HEXB: variants seen among roughly 807,000 people sequenced by gnomAD.
HEXB encodes the protein hexosaminidase subunit beta, also known as beta-hexosaminidase subunit beta.
A neutral mutation model predicts 71.2 loss-of-function variants in HEXB; 51 were observed. That is an observed-to-expected ratio of 0.72 (90% confidence interval 0.57 to 0.90). The LOEUF is 0.90. HEXB is among the 40% of genes least tolerant of loss of function. HEXB has a pLI of 0.00. For missense variants in HEXB, 617 were observed against 677.0 expected, an observed-to-expected ratio of 0.91 and a Z score of 0.98; for synonymous variants, 266 against 249.3, an observed-to-expected ratio of 1.07 and a Z score of -0.63.
chr5:74,717,414 C>T (rs76630314), intron 9 of HEXB, among the ~76,000 whole-genome samples: 2,025 of 151,938 alleles, frequency 0.013, 46 homozygotes, highest in African/African-American at 0.046. Flanking sequence ...TACTCAGTTG[C>T]ATTAGCCACA....
chr5:74,711,400 A>T (rs1344723574), intron 6 of HEXB, among the ~76,000 whole-genome samples: 22 of 149,272 alleles, frequency 1.5e-4, no homozygotes, highest in South Asian at 6.4e-4. Context: ...CTAAAACACC[A>T]AAAGCAATGG....
intron 1 of HEXB, among the ~76,000 whole-genome samples, chr5:74,675,365 C>T (rs1047965010): frequency 2.0e-5 from 3 of 152,084 alleles, no homozygotes; most frequent in African/African-American, 7.2e-5. Flanking sequence ...GGGCCAAAGT[C>T]GAAGTCTAGT....
intron 4 of HEXB, 47 bp downstream of exon 4, chr5:74,696,786 T>C: frequency 1.0e-6 from 1 of 963,410 alleles, no homozygotes; most frequent in Non-Finnish European, 1.7e-6. Flanking sequence ...GACAAATTGC[T>C]AATAGAAAAA....
chr5:74,662,725 TTTA>T (rs1748350574), intron 1 of HEXB, among the ~76,000 whole-genome samples: 1 of 152,202 alleles, frequency 6.6e-6, no homozygotes, highest in African/African-American at 2.4e-5. Flanking sequence ...AAAATCATAT[TTTA>T]TTATTATATT....
At chr5:74,685,632 G>C in intron 1 of HEXB, 73 bp downstream of exon 1, 1 of 1,370,456 alleles carries the variant, frequency 7.3e-7, no homozygotes, top group Non-Finnish European at 9.9e-7. Flanking sequence ...GCGCTGTGCA[G>C]ACCCTCACCA....
chr5:74,658,040 A>G (rs553196234), intron 1 of HEXB, among the ~76,000 whole-genome samples: 115 of 152,312 alleles, frequency 7.6e-4, no homozygotes, highest in African/African-American at 2.6e-3. Context: ...AGAAATGTCT[A>G]CTGCCTGTGA....
At chr5:74,716,498 C>T in intron 8 of HEXB, 89 bp from the exon 9 acceptor site, 1 of 749,392 alleles carries the variant, frequency 1.3e-6, no homozygotes, top group Non-Finnish European at 2.3e-6. Flanking sequence ...TTTAAGTCTG[C>T]ACAACTGATG....
chr5:74,721,103 T>G lies in HEXB; in HGVS notation c.1614-15T>G, dbSNP rs1222446492. On this transcript the variant is annotated splice_polypyrimidine_tract_variant and intron_variant, in intron 13 of 13. Coordinates refer to ENST00000261416, the MANE Select transcript of HEXB (RefSeq NM_000521.4). ...CTAAATCAATCTAAAATATCTTTATTCATGTTATCTACAGACGTGGAATAG... is the reference window on the plus strand; with the variant it reads ...CTAAATCAATCTAAAATATCTTTATGCATGTTATCTACAGACGTGGAATAG... 1 of 1,584,438 alleles carries G rather than the reference T, an allele frequency of 6.3e-7. No homozygotes were observed. The highest frequency in any genetic ancestry group is 8.7e-7 in the Non-Finnish European group (1 of 1,153,140).
rs188471494 is a variant in HEXB, at chr5:74,697,505, C to T, written c.669+399C>T. Among the ~76,000 whole-genome samples, 11 of 152,244 alleles carry T rather than the reference C, an allele frequency of 7.2e-5. No homozygotes were observed. The East Asian group carries it at 2.1e-3, about 29-fold the overall frequency. Reference sequence around the variant, plus strand: ...CTTTGGGAGGCTGAGGCAGGTGGATCACCTGAGGTCAGGAGTTCGAGACCA... The same window carrying T: ...CTTTGGGAGGCTGAGGCAGGTGGATTACCTGAGGTCAGGAGTTCGAGACCA... On this transcript the variant is annotated intron_variant, in intron 5 of 13. Transcript: ENST00000261416.
intron 1 of HEXB, among the ~76,000 whole-genome samples, chr5:74,673,173 T>A (rs190078426): frequency 1.7e-3 from 264 of 152,370 alleles, no homozygotes; most frequent in African/African-American, 6.1e-3. Flanking sequence ...GTTGTTTTTG[T>A]GGCTAATTTT....
chr5:74,709,776 C>G (rs569879810), intron 6 of HEXB, among the ~76,000 whole-genome samples: 172 of 152,282 alleles, frequency 1.1e-3, no homozygotes, highest in African/African-American at 4.1e-3. Flanking sequence ...ATAACAGGAG[C>G]TGAAATTGTG....
At chr5:74,655,115 C>T (rs1748193647) in intron 1 of HEXB, among the ~76,000 whole-genome samples, 1 of 151,858 alleles carries the variant, frequency 6.6e-6, no homozygotes, top group African/African-American at 2.4e-5. Flanking sequence ...CTGGGAAAGC[C>T]ACACTAGTTT....
chr5:74,670,962 A>G (rs1450261603), intron 1 of HEXB, among the ~76,000 whole-genome samples: 2 of 152,160 alleles, frequency 1.3e-5, no homozygotes, highest in African/African-American at 2.4e-5. Flanking sequence ...GCAGCCCAGG[A>G]GGCCAAGTGG....
chr5:74,686,263 GT>G (rs1328622476), intron 1 of HEXB, among the ~76,000 whole-genome samples: 1 of 152,190 alleles, frequency 6.6e-6, no homozygotes, highest in Non-Finnish European at 1.5e-5. Context: ...GACAGGGTGA[GT>G]TTTGTCATGG....
At chr5:74,645,618 A>G (rs907045603) in intron 1 of HEXB, among the ~76,000 whole-genome samples, 1 of 152,166 alleles carries the variant, frequency 6.6e-6, no homozygotes, top group African/African-American at 2.4e-5. Flanking sequence ...CAAGGAGTAG[A>G]CAGTTTATTG....
chr5:74,687,759 G>A (rs1421702864), intron 1 of HEXB, among the ~76,000 whole-genome samples: 5 of 152,006 alleles, frequency 3.3e-5, no homozygotes, highest in Non-Finnish European at 7.4e-5. Flanking sequence ...GTATTTCGGT[G>A]GTCTTAATTT....
intron 6 of HEXB, among the ~76,000 whole-genome samples, chr5:74,707,027 C>T (rs1749413402): frequency 6.6e-6 from 1 of 152,290 alleles, no homozygotes; most frequent in African/African-American, 2.4e-5. Flanking sequence ...AGCAGCCTAA[C>T]TGGGAGGCAC....
chr5:74,720,500 A>G lies in HEXB; in HGVS notation c.1490A>G (p.Asn497Ser). The G allele has an allele frequency of 6.2e-7, 1 of 1,612,794 alleles. No individual in the cohort carries two copies. The highest frequency in any genetic ancestry group is 8.5e-7 in the Non-Finnish European group (1 of 1,178,804). The stretch of plus-strand genomic sequence containing the variant: ...TGGGGAGAATATGTGGATGCAACTA[A>G]CCTCACTCCAAGATTATGGTATGGG... ...CLWGEYVDAT[N>S]LTPRLWPRAS... Residue 497 changes from asparagine (N) to serine (S), a missense_variant, in exon 12 of 14, where the codon AAC becomes AGC. Asn to Ser is a conservative substitution (Grantham distance 46). Transcript: ENST00000261416.
chr5:74,698,457 T>C (rs865929619), intron 5 of HEXB, among the ~76,000 whole-genome samples: 3 of 151,694 alleles, frequency 2.0e-5, no homozygotes, highest in South Asian at 4.2e-4. Context: ...AGTGGTGCAA[T>C]CTTGGCTCAC....
Sources: allele counts gnomAD v4.1 joint callset (sites outside exome capture counted in the v4.1 genomes callset), GRCh38; gene constraint gnomAD v4.1.1; transcripts MANE v1.5; gene names NCBI Gene and HGNC (gene_info 2026-07-23, HGNC 2026-07-21).